GJA3: variants seen among roughly 807,000 people sequenced by gnomAD.
GJA3 encodes gap junction protein alpha 3.
For synonymous variants in GJA3, 297 were observed against 292.6 expected (o/e 1.02, Z -0.15); for missense variants, 571 against 620.3 (o/e 0.92, Z 0.84).
rs1407124752 is a variant in GJA3, at chr13:20,142,287, C to A, written c.1002G>T (p.Glu334Asp). 2 of 1,568,966 alleles carry A rather than the reference C, an allele frequency of 1.3e-6. No homozygotes were observed. Among genetic ancestry groups the A allele is most frequent in the South Asian group, 2.3e-5 (2 of 85,440 alleles). Residue 334 changes from glutamate (E) to aspartate (D), a missense_variant, in exon 2 of 2, where the codon GAG (glutamate) becomes GAT (aspartate). Glu to Asp is a conservative substitution (Grantham distance 45, BLOSUM62 2). Transcript: ENST00000241125. ...AAGCCTTGAGCGCCGGGGGCTGCCG[C>A]TCGGCCGCCTGGTTGGCCCAGTTCT... ...TEQNWANQAA[E>D]RQPPALKAYP...
intron 1 of GJA3, among the ~76,000 whole-genome samples, chr13:20,152,647 G>C (rs1958885469): frequency 6.6e-6 from 1 of 152,194 alleles, no homozygotes; most frequent in Non-Finnish European, 1.5e-5. Context: ...GTCTCCCAAA[G>C]TGCTGTACAG....
intron 1 of GJA3, among the ~76,000 whole-genome samples, chr13:20,153,056 C>A (rs1958887747): frequency 1.3e-5 from 2 of 152,268 alleles, no homozygotes; most frequent in African/African-American, 4.8e-5. Flanking sequence ...CTCTTTCATT[C>A]CTTGCCTATT....
At chr13:20,149,292 G>C (rs1332708731) in intron 1 of GJA3, among the ~76,000 whole-genome samples, 3 of 152,066 alleles carry the variant, frequency 2.0e-5, no homozygotes, top group Non-Finnish European at 4.4e-5. Flanking sequence ...CAGGAGTTCA[G>C]GGGCAGCCTG....
rs929067280 is a variant in GJA3 at position 20,141,976 on chromosome 13, G to A, written c.*5C>T. ...CACAGCTGTCTGGAGGCAGGCACCC[G>A]GGCACTAGATGGCCAAGTCCTCCGG... On this transcript the variant is annotated 3_prime_UTR_variant, in exon 2 of 2. Transcript: ENST00000241125. 1.9e-5 allele frequency: 29 copies of A among 1,550,034 alleles called. No individual in the cohort carries two copies. In the Middle Eastern group the frequency reaches 5.0e-4, roughly 27 times the overall value.
intron 1 of GJA3, among the ~76,000 whole-genome samples, chr13:20,148,263 T>C (rs1593336652): frequency 6.8e-6 from 1 of 146,312 alleles, no homozygotes; most frequent in African/African-American, 2.6e-5. Flanking sequence ...CTTTTTTTTT[T>C]TTTTTTTTTT....
chr13:20,141,885 A>G lies in GJA3; in HGVS notation c.*96T>C. 1 of 1,511,710 alleles carries G rather than the reference A, an allele frequency of 6.6e-7. No homozygotes were observed. The allele number at this position is 1,511,710 out of a possible 1,614,324, so 93.6% of individuals were successfully genotyped here. A position where few individuals can be genotyped will look rare whatever the true frequency, so the allele number is the denominator to read the frequency against. On this transcript the variant is annotated 3_prime_UTR_variant, in exon 2 of 2. Coordinates refer to ENST00000241125, the MANE Select transcript of GJA3 (RefSeq NM_021954.4). The stretch of plus-strand genomic sequence containing the variant: ...ACTCCAGTCGCTCCCACCTCCTGGG[A>G]CTTTCAGGTTCTATCTGCTGGTGGG...
chr13:20,157,744 C>T (rs1255803217), intron 1 of GJA3, among the ~76,000 whole-genome samples: 2 of 152,126 alleles, frequency 1.3e-5, no homozygotes, highest in African/African-American at 2.4e-5. Flanking sequence ...GGCTGGAGTA[C>T]ATGTTAAGCT....
intron 1 of GJA3, among the ~76,000 whole-genome samples, chr13:20,154,234 G>A (rs982182817): frequency 6.6e-6 from 1 of 152,232 alleles, no homozygotes; most frequent in African/African-American, 2.4e-5. Flanking sequence ...ACTAGCAAGT[G>A]CAATGGCTTC....
chr13:20,142,263 AG>A lies in GJA3; in HGVS notation c.1025del (p.Ala342ValfsTer57). 1 of 1,556,526 alleles carries A rather than the reference AG, an allele frequency of 6.4e-7. No individual in the cohort carries two copies. The highest frequency in any genetic ancestry group is 8.7e-7 in the Non-Finnish European group (1 of 1,154,730). The part of the protein sequence containing the change: ...AAERQPPALK[A>X]YPAASTPAAP... ...CTGCAGGCGTGGACGCTGCCGGGTAAGCCTTGAGCGCCGGGGGCTGCCGCTC... is the reference window on the plus strand; with the variant it reads ...CTGCAGGCGTGGACGCTGCCGGGTAACCTTGAGCGCCGGGGGCTGCCGCTC... On this transcript the variant is annotated frameshift_variant, in exon 2 of 2. Transcript: ENST00000241125. LOFTEE classifies it low-confidence loss of function (END_TRUNC).
At chr13:20,154,102 C>T (rs1163973641) in intron 1 of GJA3, among the ~76,000 whole-genome samples, 1 of 152,210 alleles carries the variant, frequency 6.6e-6, no homozygotes, top group East Asian at 1.9e-4. Context: ...TGGCTTTTTA[C>T]TTCTAACACA....
Position 20,142,251 on chromosome 13 carries a change from C to T in GJA3, c.1038G>A (p.Ala346=). ...CGGGGCTGGGGGCTGCAGGCGTGGACGCTGCCGGGTAAGCCTTGAGCGCCG... is the reference window on the plus strand; with the variant it reads ...CGGGGCTGGGGGCTGCAGGCGTGGATGCTGCCGGGTAAGCCTTGAGCGCCG... The part of the protein sequence containing the change: ...QPPALKAYPA[A]STPAAPSPVG... The change falls in exon 2 of 2, where the codon GCG becomes GCA. Residue 346 remains alanine, a synonymous_variant. Transcript: ENST00000241125. 2 of 1,544,242 alleles carry T rather than the reference C, an allele frequency of 1.3e-6. No individual in the cohort carries two copies. The highest frequency in any genetic ancestry group is 5.0e-5 in the East Asian group (2 of 40,262).
At chr13:20,157,192 C>A (rs547395103) in intron 1 of GJA3, among the ~76,000 whole-genome samples, 38 of 152,266 alleles carry the variant, frequency 2.5e-4, no homozygotes, top group Non-Finnish European at 4.3e-4. Context: ...CAGTACCCCA[C>A]TTTCTGAGGG....
In GJA3 at chr13:20,142,119, G is replaced by A; in HGVS notation, c.1170C>T (p.Thr390=). Residue 390 remains threonine, a synonymous_variant, in exon 2 of 2, where the codon ACC becomes ACT. Coordinates refer to ENST00000241125, the MANE Select transcript of GJA3 (RefSeq NM_021954.4). ...TCACGGCCTGCTCCTCCTCCTCGGG[G>A]GTCCCTGCCAGGGCGCTCCCCTCCA... ...SSLEGSALAG[T]PEEEEQAVTT... is the part of the protein sequence containing the mutation. The A allele has an allele frequency of 7.8e-6, 12 of 1,545,484 alleles. No homozygotes were observed. The highest frequency in any genetic ancestry group is 9.6e-6 in the Non-Finnish European group (11 of 1,145,412).
At chr13:20,158,898 A>G (rs949526738) in intron 1 of GJA3, among the ~76,000 whole-genome samples, 1 of 147,480 alleles carries the variant, frequency 6.8e-6, no homozygotes, top group African/African-American at 2.5e-5. Context: ...CAGCCTGGAC[A>G]AGAGCAAAAC....
intron 1 of GJA3, among the ~76,000 whole-genome samples, chr13:20,145,759 A>C (rs1217226181): frequency 6.6e-6 from 1 of 152,118 alleles, no homozygotes; most frequent in Non-Finnish European, 1.5e-5. Flanking sequence ...CCTTGCCTAC[A>C]CAGTCCCCTC....
chr13:20,151,815 T>C (rs1958879603), intron 1 of GJA3, among the ~76,000 whole-genome samples: 1 of 151,508 alleles, frequency 6.6e-6, no homozygotes, highest in African/African-American at 2.4e-5. Flanking sequence ...AACAGAAGAG[T>C]AGCCACGCTC....
Position 20,142,201 on chromosome 13 carries a change from G to A in GJA3, c.1088C>T (p.Ala363Val), listed in dbSNP as rs950387904. 2.4e-5 allele frequency: 37 copies of A among 1,519,504 alleles called. No homozygotes were observed. The highest frequency in any genetic ancestry group is 2.8e-5 in the African/African-American group (2 of 70,800). The allele number at this position is 1,519,504 out of a possible 1,614,324, so 94.1% of individuals were successfully genotyped here. The change falls in exon 2 of 2, where the codon GCG (alanine) becomes GTG (valine). Residue 363 changes from alanine (A) to valine (V), a missense_variant. Ala to Val is a moderately conservative substitution (Grantham distance 64). Transcript: ENST00000241125. ...CGCCGCGCCCGCCTCAGCCTCGTGC[G>A]CGAGTGGCGGGGAGCTGCTGCCGAC... ...SPVGSSSPPL[A>V]HEAEAGAAPL...
chr13:20,151,511 T>C (rs1260179538), intron 1 of GJA3, among the ~76,000 whole-genome samples: 2 of 152,086 alleles, frequency 1.3e-5, no homozygotes, highest in African/African-American at 2.4e-5. Context: ...AGAAGTTCCA[T>C]GTGTCAGACT....
upstream of GJA3, among the ~76,000 whole-genome samples, chr13:20,161,474 T>A (rs1189989831): frequency 6.6e-6 from 1 of 152,062 alleles, no homozygotes; most frequent in Non-Finnish European, 1.5e-5. Context: ...GTAGCTGCTC[T>A]CCGGGCGCTC....
Sources: gnomAD v4.1 joint callset for allele counts (sites outside exome capture counted in the v4.1 genomes callset) on GRCh38, gnomAD v4.1.1 for gene constraint, MANE v1.5 for transcripts, NCBI Gene and HGNC (gene_info 2026-07-23, HGNC 2026-07-21) for gene names.